The following SYT1 variants were observed in gnomAD, a reference collection of about 807,000 sequenced individuals.
SYT1 encodes the protein synaptotagmin 1.
Under a neutral mutation model 44.8 loss-of-function variants are expected in SYT1, and 8 were observed. The ratio of observed to expected loss-of-function variants is 0.18; its 90% CI spans 0.10 to 0.32. SYT1 has a LOEUF of 0.32. SYT1 is among the 10% of genes least tolerant of loss of function. The pLI is 1.00. For missense variants in SYT1, 286 were observed against 509.3 expected (o/e 0.56, Z 4.22); for synonymous variants, 154 against 188.8 (o/e 0.82, Z 1.51).
chr12:78,965,464 T>C (rs185644097), intron 1 of SYT1, among the ~76,000 whole-genome samples: 3 of 152,356 alleles, frequency 2.0e-5, no homozygotes, highest in African/African-American at 7.2e-5. Flanking sequence ...GCATTTCAAA[T>C]ATATGATATT....
chr12:79,059,038 C>A (rs1182743062), intron 3 of SYT1, among the ~76,000 whole-genome samples: 1 of 152,006 alleles, frequency 6.6e-6, no homozygotes, highest in Non-Finnish European at 1.5e-5. Context: ...CACAGTTCCA[C>A]ATAGCTGGGG....
chr12:79,289,089 C>T (rs1267229051), intron 5 of SYT1, among the ~76,000 whole-genome samples: 1 of 152,208 alleles, frequency 6.6e-6, no homozygotes, highest in Admixed American at 6.5e-5. Flanking sequence ...TGCTACTTTT[C>T]TAGTGCGCCT....
chr12:79,356,465 GA>G (rs1029764152), intron 9 of SYT1, among the ~76,000 whole-genome samples: 1 of 152,052 alleles, frequency 6.6e-6, no homozygotes, highest in African/African-American at 2.4e-5. Flanking sequence ...GCTATGGCCT[GA>G]AAAAACAAGT....
At chr12:79,007,678 G>A (rs1323852601) in intron 2 of SYT1, among the ~76,000 whole-genome samples, 1 of 151,716 alleles carries the variant, frequency 6.6e-6, no homozygotes, top group African/African-American at 2.4e-5. Flanking sequence ...ACCCTTTTTT[G>A]TTCCCATACG....
chr12:78,970,999 A>T lies in SYT1; in HGVS notation c.-216-6800A>T, dbSNP rs916075672. 3.3e-5 allele frequency among the ~76,000 whole-genome samples: 5 copies of T among 152,096 alleles called. No individual in the cohort carries two copies. In the South Asian group the frequency reaches 6.2e-4, roughly 19 times the overall value. ...CTCCATCTCTAATAAAATAAAATTT[A>T]AAAAAATACAAAAAGTTAGCAGGGT... On this transcript the variant is annotated intron_variant, in intron 1 of 10. Coordinates refer to ENST00000261205, the MANE Select transcript of SYT1 (RefSeq NM_005639.3).
intron 4 of SYT1, among the ~76,000 whole-genome samples, chr12:79,251,956 A>G (rs1270786873): frequency 2.0e-5 from 3 of 147,538 alleles, no homozygotes; most frequent in South Asian, 4.3e-4. Context: ...AGTTGAATAT[A>G]TGTTTTTCTT....
At chr12:79,377,766 C>A (rs572539569) in intron 9 of SYT1, among the ~76,000 whole-genome samples, 4 of 152,146 alleles carry the variant, frequency 2.6e-5, no homozygotes, top group Admixed American at 1.3e-4. Flanking sequence ...TTGAGAATAT[C>A]CAGGGTCAGG....
chr12:79,252,126 C>T (rs1345858529), intron 4 of SYT1, among the ~76,000 whole-genome samples: 2 of 151,910 alleles, frequency 1.3e-5, no homozygotes, highest in Non-Finnish European at 2.9e-5. Flanking sequence ...GCTACACGGC[C>T]TAAGTTTAGT....
At position 78,922,120 on chromosome 12, in the gene SYT1, T is replaced by G. The variant is rs1283778330; in HGVS notation, c.-216-55679T>G. Among the ~76,000 whole-genome samples, 3 of 152,118 alleles carry G rather than the reference T, an allele frequency of 2.0e-5. No individual in the cohort carries two copies. The Middle Eastern group carries it at 0.01, about 517-fold the overall frequency. ...TTTACTTGACTTTTCTCCATGCAAT[T>G]CCAAATAAAATAAGGTTTTATGAAC... On this transcript the variant is annotated intron_variant, in intron 1 of 10. Coordinates refer to ENST00000261205, the MANE Select transcript of SYT1 (RefSeq NM_005639.3).
chr12:79,379,748 A>G (rs1380754502), intron 9 of SYT1, among the ~76,000 whole-genome samples: 1 of 152,206 alleles, frequency 6.6e-6, no homozygotes, highest in Non-Finnish European at 1.5e-5. Context: ...AGAGGATACT[A>G]AAATTACCCA....
intron 8 of SYT1, among the ~76,000 whole-genome samples, chr12:79,324,767 A>G (rs1390989864): frequency 6.6e-6 from 1 of 151,152 alleles, no homozygotes; most frequent in Non-Finnish European, 1.5e-5. Flanking sequence ...GGAAAAAACC[A>G]TGACTGGCAA....
chr12:79,311,894 G>T (rs1459338157), intron 8 of SYT1, among the ~76,000 whole-genome samples: 1 of 141,608 alleles, frequency 7.1e-6, no homozygotes, highest in African/African-American at 2.6e-5. Context: ...GGGAGGGATA[G>T]CATTAGGAGA....
intron 4 of SYT1, among the ~76,000 whole-genome samples, chr12:79,282,610 C>T (rs1403796120): frequency 6.6e-6 from 1 of 151,944 alleles, no homozygotes; most frequent in Non-Finnish European, 1.5e-5. Context: ...AAAATCACTG[C>T]ATTTTATGCT....
intron 2 of SYT1, among the ~76,000 whole-genome samples, chr12:79,011,009 G>A (rs1871373853): frequency 6.6e-6 from 1 of 152,138 alleles, no homozygotes; most frequent in Admixed American, 6.6e-5. Flanking sequence ...GAAATAGCCA[G>A]ATTTAGGTCA....
At chr12:79,302,162 G>C (rs1223456118) in intron 8 of SYT1, among the ~76,000 whole-genome samples, 1 of 152,122 alleles carries the variant, frequency 6.6e-6, no homozygotes, top group Non-Finnish European at 1.5e-5. Flanking sequence ...GAGCAATTTT[G>C]TTCATGATTT....
chr12:79,297,614 C>G (rs1022331305), intron 7 of SYT1, among the ~76,000 whole-genome samples: 1 of 151,994 alleles, frequency 6.6e-6, no homozygotes, highest in Non-Finnish European at 1.5e-5. Flanking sequence ...TTTGAATTCT[C>G]TATACATTTT....
chr12:78,976,838 A>G (rs900120549), intron 1 of SYT1, among the ~76,000 whole-genome samples: 1 of 152,158 alleles, frequency 6.6e-6, no homozygotes, highest in African/African-American at 2.4e-5. Flanking sequence ...CTCAATTCTT[A>G]ATTGGTCTAC....
At chr12:79,372,558 A>G (rs1419893138) in intron 9 of SYT1, among the ~76,000 whole-genome samples, 1 of 152,212 alleles carries the variant, frequency 6.6e-6, no homozygotes, top group Non-Finnish European at 1.5e-5. Flanking sequence ...AGCTGAGGCC[A>G]TAAGGGTAGA....
intron 4 of SYT1, among the ~76,000 whole-genome samples, chr12:79,247,394 G>C (rs1473252832): frequency 6.6e-6 from 1 of 152,106 alleles, no homozygotes; most frequent in East Asian, 1.9e-4. Context: ...TTACAATATT[G>C]TTTTTAAACA....
Sources: gnomAD v4.1 joint callset for allele counts (sites outside exome capture counted in the v4.1 genomes callset) on GRCh38, gnomAD v4.1.1 for gene constraint, MANE v1.5 for transcripts, NCBI Gene and HGNC (gene_info 2026-07-23, HGNC 2026-07-21) for gene names.